The following VWA5A variants were observed in gnomAD, a reference collection of about 807,000 sequenced individuals.
VWA5A encodes von Willebrand factor A domain-containing protein 5A.
Under a neutral mutation model 84.6 loss-of-function variants are expected in VWA5A, and 77 were observed. The observed-to-expected ratio is 0.91, with a 90% CI of 0.76 to 1.10. The LOEUF is 1.10. Ranked by LOEUF, VWA5A falls within the 50% of genes least tolerant of loss-of-function variation. The probability of loss-of-function intolerance (pLI) is 0.00; values close to 1 mark genes in which losing one functional copy is unlikely to be tolerated. For synonymous variants in VWA5A, 334 were observed against 350.1 expected (o/e 0.95, Z 0.51); for missense variants, 973 against 963.0 (o/e 1.01, Z -0.14).
chr11:124,117,374 C>A, intron 2 of VWA5A, 123 bp from the exon 3 acceptor site: 1 of 977,458 alleles, frequency 1.0e-6, no homozygotes, highest in Non-Finnish European at 1.6e-6. Context: ...AAGGTTCCAA[C>A]TTCCTAACTC....
intron 11 of VWA5A, among the ~76,000 whole-genome samples, chr11:124,131,531 A>G (rs1865097461): frequency 1.3e-5 from 2 of 151,926 alleles, no homozygotes; most frequent in Admixed American, 1.3e-4. Context: ...GGCTTCATGC[A>G]TTTTTTTATT....
At chr11:124,125,020 T>A (rs12292692) in intron 11 of VWA5A, among the ~76,000 whole-genome samples, 4,206 of 152,276 alleles carry the variant, frequency 0.028, 211 homozygotes, top group African/African-American at 0.095. Context: ...AAAATGATGC[T>A]GCTGTGAACA....
chr11:124,116,757 A>T (rs916763246), intron 2 of VWA5A, 77 bp downstream of exon 2: 3 of 152,196 alleles, frequency 2.0e-5, no homozygotes, highest in Admixed American at 2.0e-4. Flanking sequence ...AGCCTGATTT[A>T]TTGGTGCTGT....
At chr11:124,145,762 T>C in intron 18 of VWA5A, 104 bp from the exon 19 acceptor site, 1 of 1,185,006 alleles carries the variant, frequency 8.4e-7, no homozygotes, top group Non-Finnish European at 1.2e-6. Flanking sequence ...AGCAGGGATA[T>C]TGAGGACAGA....
intron 7 of VWA5A, among the ~76,000 whole-genome samples, chr11:124,121,340 T>A (rs564797778): frequency 6.6e-6 from 1 of 152,160 alleles, no homozygotes; most frequent in Non-Finnish European, 1.5e-5. Flanking sequence ...TAAACTGAGT[T>A]CCTTAAGTAC....
chr11:124,117,672 G>C lies in VWA5A; in HGVS notation c.44-1G>C. ...GAACTTGAACTCTGGTCTATCTCCAGTGCCGCTGAAGAGTATCTCTGTGAG... is the reference window on the plus strand; with the variant it reads ...GAACTTGAACTCTGGTCTATCTCCACTGCCGCTGAAGAGTATCTCTGTGAG... On this transcript the variant is annotated splice_acceptor_variant, in intron 3 of 18. Transcript: ENST00000456829. LOFTEE classifies it high-confidence loss of function. 6.2e-7 allele frequency: 1 copy of C among 1,614,202 alleles called. No homozygotes were observed. Among genetic ancestry groups the C allele is most frequent in the South Asian group, 1.1e-5 (1 of 91,088 alleles).
intron 11 of VWA5A, among the ~76,000 whole-genome samples, chr11:124,132,051 A>G (rs73607026): frequency 0.061 from 9,223 of 151,918 alleles, 524 homozygotes; most frequent in African/African-American, 0.14. Flanking sequence ...GTTTTGAATA[A>G]TTAATGATTG....
At chr11:124,115,916 T>A (rs952266312) in intron 1 of VWA5A, 1 of 152,240 alleles carries the variant, frequency 6.6e-6, no homozygotes, top group Non-Finnish European at 1.5e-5. Flanking sequence ...CGACGCAGTC[T>A]CTTCTGTAAA....
At chr11:124,140,422 G>A (rs1334941605) in intron 15 of VWA5A, among the ~76,000 whole-genome samples, 1 of 151,870 alleles carries the variant, frequency 6.6e-6, no homozygotes, top group Middle Eastern at 3.2e-3. Flanking sequence ...CTCTAACTTA[G>A]AAAACTGAAA....
At chr11:124,119,860 A>G (rs1864902952) in intron 7 of VWA5A, among the ~76,000 whole-genome samples, 1 of 152,226 alleles carries the variant, frequency 6.6e-6, no homozygotes, top group Admixed American at 6.5e-5. Flanking sequence ...ATTTTAAAAC[A>G]CAGGAAGAAT....
intron 11 of VWA5A, among the ~76,000 whole-genome samples, chr11:124,127,052 G>A (rs573494524): frequency 1.6e-4 from 24 of 152,156 alleles, no homozygotes; most frequent in Non-Finnish European, 2.6e-4. Flanking sequence ...TAAGTTCTGG[G>A]ATGCATGTGC....
rs189803860 is a variant in VWA5A, at chr11:124,127,774, G to A, written c.1244+3458G>A. On this transcript the variant is annotated intron_variant, in intron 11 of 18. Coordinates refer to ENST00000456829, the MANE Select transcript of VWA5A (RefSeq NM_001130142.2). ...CATTTCTCTAATGACCAGTGATGAGGAGCTTTTTTTCATGTTTGTTGGCCA... is the reference window on the plus strand; with the variant it reads ...CATTTCTCTAATGACCAGTGATGAGAAGCTTTTTTTCATGTTTGTTGGCCA... Among the ~76,000 whole-genome samples, 727 of 152,282 alleles carry A rather than the reference G, an allele frequency of 4.8e-3. 10 individuals carry two copies. The highest frequency in any genetic ancestry group is 0.017 in the African/African-American group (686 of 41,532).
intron 7 of VWA5A, among the ~76,000 whole-genome samples, chr11:124,120,682 C>A (rs1256200181): frequency 2.0e-5 from 3 of 152,182 alleles, no homozygotes; most frequent in African/African-American, 4.8e-5. Context: ...TCTCCTCTTC[C>A]ACGAAGCTCC....
chr11:124,123,496 TTAAAG>T (rs768280934), intron 9 of VWA5A, 42 bp downstream of exon 9: 1 of 1,608,942 alleles, frequency 6.2e-7, no homozygotes, highest in South Asian at 1.1e-5. Context: ...AAACGAGACT[TTAAAG>T]AAAGGGACTA....
chr11:124,140,683 G>T (rs1485263067), intron 15 of VWA5A, among the ~76,000 whole-genome samples: 3 of 152,008 alleles, frequency 2.0e-5, no homozygotes, highest in African/African-American at 7.3e-5. Flanking sequence ...TGCCTAGGCT[G>T]GTCTCAAACT....
chr11:124,115,701 A>G (rs2137620041), intron 1 of VWA5A: 1 of 152,308 alleles, frequency 6.6e-6, no homozygotes, highest in South Asian at 2.1e-4. Context: ...TGAAGGAGGG[A>G]TTTAGCCATC....
chr11:124,139,473 AT>A (rs1299830637), intron 15 of VWA5A, among the ~76,000 whole-genome samples: 1 of 152,056 alleles, frequency 6.6e-6, no homozygotes, highest in Non-Finnish European at 1.5e-5. Context: ...TCCTTCATCA[AT>A]GTCTTACAAT....
Position 124,123,727 on chromosome 11 carries a change from G to T in VWA5A, c.1087G>T (p.Asp363Tyr), listed in dbSNP as rs200732862. 8 of 1,611,710 alleles carry T rather than the reference G, an allele frequency of 5.0e-6. No homozygotes were observed. The highest frequency in any genetic ancestry group is 6.8e-6 in the Non-Finnish European group (8 of 1,179,280). Reference protein sequence around the residue: ...ALGRVKLMQADLGGTEILAPL... With the variant: ...ALGRVKLMQAYLGGTEILAPL... ...GGGGAGAGTGAAGCTTATGCAGGCC[G>T]ACCTAGGGGGCACTGAAATCTTGGC... is the stretch of plus-strand genomic sequence containing the variant. Residue 363 changes from aspartate (D) to tyrosine (Y), a missense_variant, in exon 10 of 19, where the codon GAC (aspartate) becomes TAC (tyrosine). By Grantham distance (160) the Asp-to-Tyr change is radical (BLOSUM62 -3). Coordinates refer to ENST00000456829, the MANE Select transcript of VWA5A (RefSeq NM_001130142.2).
At position 124,118,374 on chromosome 11, in the gene VWA5A, G is replaced by T. The variant is rs1338446308; in HGVS notation, c.432G>T (p.Val144=). 2 of 1,614,084 alleles carry T rather than the reference G, an allele frequency of 1.2e-6. No individual in the cohort carries two copies. Among genetic ancestry groups the T allele is most frequent in the Non-Finnish European group, 1.7e-6 (2 of 1,180,038 alleles). The part of the protein sequence containing the change: ...PLEADGALRF[V]LPAVLNPRYQ... ...AAGCAGATGGGGCTCTGCGCTTTGT[G>T]CTCCCAGCTGTCCTGAATCCTAGAT... The change falls in exon 5 of 19, where the codon GTG becomes GTT. Residue 144 remains valine (V), a synonymous_variant. Coordinates refer to ENST00000456829, the MANE Select transcript of VWA5A (RefSeq NM_001130142.2).
Sources: allele counts gnomAD v4.1 joint callset (sites outside exome capture counted in the v4.1 genomes callset), GRCh38; gene constraint gnomAD v4.1.1; transcripts MANE v1.5; gene names NCBI Gene and HGNC (gene_info 2026-07-23, HGNC 2026-07-21).